MTUS2: variants seen among roughly 807,000 people sequenced by gnomAD.
MTUS2 encodes the protein microtubule-associated tumor suppressor candidate 2.
MTUS2 carries 40 observed loss-of-function variants against 114.1 expected under a neutral mutation model. That is an observed-to-expected ratio of 0.35 (90% CI 0.27 to 0.46). The LOEUF (loss-of-function observed/expected upper bound fraction) is 0.46, where lower values mean the gene tolerates loss of function less well. Ranked by LOEUF, MTUS2 falls within the 20% of genes least tolerant of loss-of-function variation. The pLI is 1.00. For synonymous variants in MTUS2, 688 were observed against 672.0 expected, an observed-to-expected ratio of 1.02 and a Z score of -0.37; for missense variants, 1,679 against 1,705.4, an observed-to-expected ratio of 0.98 and a Z score of 0.27.
At chr13:28,893,916 T>C (rs776617391) in intron 2 of MTUS2, among the ~76,000 whole-genome samples, 9 of 152,132 alleles carry the variant, frequency 5.9e-5, no homozygotes, top group Admixed American at 1.3e-4. Flanking sequence ...ATTGTTTTGG[T>C]TTTGCTAAAG....
At chr13:29,018,503 A>C (rs1435012236) in intron 2 of MTUS2, among the ~76,000 whole-genome samples, 1 of 152,230 alleles carries the variant, frequency 6.6e-6, no homozygotes, top group Non-Finnish European at 1.5e-5. Context: ...GGCCGGGCCC[A>C]GTGGCTCATG....
At chr13:28,858,706 C>T (rs1367489622) in intron 2 of MTUS2, among the ~76,000 whole-genome samples, 26 of 152,092 alleles carry the variant, frequency 1.7e-4, no homozygotes, top group Non-Finnish European at 3.5e-4. Context: ...AAGGAGGAAC[C>T]CCTAATTCAG....
intron 9 of MTUS2, among the ~76,000 whole-genome samples, chr13:29,455,121 G>A (rs1418181132): frequency 1.3e-5 from 2 of 152,230 alleles, no homozygotes; most frequent in African/African-American, 2.4e-5. Flanking sequence ...GGCCGAAGAG[G>A]TAAACACCAG....
chr13:29,389,497 ATATGTATACACG>A (rs1873027882), intron 8 of MTUS2, among the ~76,000 whole-genome samples: 1 of 108,588 alleles, frequency 9.2e-6, no homozygotes, highest in African/African-American at 3.3e-5. Context: ...GTATGTGTAT[ATATGTATACACG>A]TGTGTGTATG....
intron 8 of MTUS2, among the ~76,000 whole-genome samples, chr13:29,363,303 AT>A (rs1326344859): frequency 6.6e-6 from 1 of 152,162 alleles, no homozygotes; most frequent in Non-Finnish European, 1.5e-5. Flanking sequence ...AATAAGATTT[AT>A]TATACTTATT....
chr13:28,902,747 A>G (rs1351631609), intron 2 of MTUS2, among the ~76,000 whole-genome samples: 2 of 152,100 alleles, frequency 1.3e-5, no homozygotes, highest in African/African-American at 2.4e-5. Flanking sequence ...TTTTGTGACT[A>G]ACTTCATGAG....
chr13:29,431,971 A>T (rs953644768), intron 8 of MTUS2, among the ~76,000 whole-genome samples: 1 of 150,990 alleles, frequency 6.6e-6, no homozygotes, highest in Admixed American at 6.6e-5. Context: ...CAGCTTCCCA[A>T]GTAGCTGGGA....
chr13:29,273,969 A>G (rs1372291571), intron 5 of MTUS2, among the ~76,000 whole-genome samples: 2 of 152,226 alleles, frequency 1.3e-5, no homozygotes, highest in Non-Finnish European at 2.9e-5. Flanking sequence ...CTTGTGAATA[A>G]TGTTGCTATG....
At chr13:29,125,102 CAGTT>C (rs1194351449) in intron 5 of MTUS2, among the ~76,000 whole-genome samples, 1 of 152,148 alleles carries the variant, frequency 6.6e-6, no homozygotes, top group Non-Finnish European at 1.5e-5. Context: ...AATTTTACCA[CAGTT>C]AGAAAATAAA....
chr13:29,299,342 A>C (rs1382433289), intron 6 of MTUS2, among the ~76,000 whole-genome samples: 1 of 152,164 alleles, frequency 6.6e-6, no homozygotes, highest in Non-Finnish European at 1.5e-5. Context: ...GGATCGGTGA[A>C]CATTTGGATG....
intron 8 of MTUS2, among the ~76,000 whole-genome samples, chr13:29,407,107 G>A (rs768272884): frequency 1.1e-4 from 17 of 152,124 alleles, no homozygotes; most frequent in Non-Finnish European, 1.8e-4. Flanking sequence ...TTAGCCAGGC[G>A]TGGTGGTGGG....
At chr13:29,128,544 G>C (rs1208097598) in intron 5 of MTUS2, among the ~76,000 whole-genome samples, 1 of 152,068 alleles carries the variant, frequency 6.6e-6, no homozygotes, top group African/African-American at 2.4e-5. Flanking sequence ...TCTTACGGAA[G>C]GTGAATTATA....
At chr13:29,413,686 C>CA (rs1456416312) in intron 8 of MTUS2, among the ~76,000 whole-genome samples, 1 of 8,224 alleles carries the variant, frequency 1.2e-4, no homozygotes, top group African/African-American at 4.6e-4. Context: ...TTTATGCAGC[C>CA]AAAAAACACA....
intron 5 of MTUS2, among the ~76,000 whole-genome samples, chr13:29,200,560 G>T (rs1593593743): frequency 1.2e-5 from 1 of 86,676 alleles, no homozygotes; most frequent in Admixed American, 1.8e-4. Flanking sequence ...TGCTCTTGTT[G>T]CCCAGGCTGG....
intron 2 of MTUS2, among the ~76,000 whole-genome samples, chr13:28,874,125 T>C (rs1286414146): frequency 6.6e-6 from 1 of 152,096 alleles, no homozygotes. Flanking sequence ...TTCAAGCAAT[T>C]CTCTGCCTCA....
chr13:28,966,329 G>T (rs1297026550), intron 2 of MTUS2, among the ~76,000 whole-genome samples: 1 of 152,234 alleles, frequency 6.6e-6, no homozygotes, highest in East Asian at 1.9e-4. Context: ...CTTGTTTAAA[G>T]ATATTCAGTT....
At chr13:29,304,911 A>G (rs1899373225) in intron 6 of MTUS2, among the ~76,000 whole-genome samples, 1 of 151,164 alleles carries the variant, frequency 6.6e-6, no homozygotes, top group African/African-American at 2.4e-5. Flanking sequence ...CAGCAAATGT[A>G]AAAAAAAACA....
chr13:29,081,216 C>G (rs190123457), intron 4 of MTUS2, among the ~76,000 whole-genome samples: 1 of 152,142 alleles, frequency 6.6e-6, no homozygotes, highest in African/African-American at 2.4e-5. Context: ...TTGACTTTCC[C>G]ACAAGCACCA....
rs762725094 is a variant in MTUS2, at chr13:29,024,634, C to T, written c.-65C>T. Reference sequence around the variant, plus strand: ...GAATTTCCTCTTAATCTGATTGCAGCTTGAAGGCAGCCCATTTCCATTAAG... The same window carrying T: ...GAATTTCCTCTTAATCTGATTGCAGTTTGAAGGCAGCCCATTTCCATTAAG... On this transcript the variant is annotated 5_prime_UTR_variant, in exon 3 of 16. Coordinates refer to ENST00000612955, the MANE Select transcript of MTUS2 (RefSeq NM_001033602.4). 1 of 1,560,796 alleles carries T rather than the reference C, an allele frequency of 6.4e-7. No homozygotes were observed. The highest frequency in any genetic ancestry group is 8.7e-7 in the Non-Finnish European group (1 of 1,154,740).
Sources: allele counts gnomAD v4.1 joint callset (sites outside exome capture counted in the v4.1 genomes callset), GRCh38; gene constraint gnomAD v4.1.1; transcripts MANE v1.5; gene names NCBI Gene and HGNC (gene_info 2026-07-23, HGNC 2026-07-21).